Variants in NMNAT2 observed in about 807,000 individuals in gnomAD.
The protein encoded by NMNAT2 is nicotinamide nucleotide adenylyltransferase 2, also known as nicotinamide/nicotinic acid mononucleotide adenylyltransferase 2.
NMNAT2 carries 11 observed loss-of-function variants against 41.6 expected under a neutral mutation model. The observed-to-expected ratio is 0.26, with a 90% CI of 0.17 to 0.44. NMNAT2 has a LOEUF of 0.44. Among genes scored for constraint, NMNAT2 ranks in the 20% least tolerant of loss-of-function variants. NMNAT2 has a pLI of 1.00. For missense variants in NMNAT2, 288 were observed against 407.7 expected (o/e 0.71, Z 2.53); for synonymous variants, 148 against 151.2 (o/e 0.98, Z 0.16).
intron 8 of NMNAT2, among the ~76,000 whole-genome samples, chr1:183,263,869 C>T (rs1438810298): frequency 1.3e-5 from 2 of 152,044 alleles, no homozygotes; most frequent in African/African-American, 4.8e-5. Context: ...ACTCAGGCAG[C>T]AGTATTTCTT....
intron 1 of NMNAT2, among the ~76,000 whole-genome samples, chr1:183,388,980 C>G (rs754627116): frequency 6.6e-6 from 1 of 152,184 alleles, no homozygotes; most frequent in African/African-American, 2.4e-5. Context: ...AGCAAACACA[C>G]GTCATGGAGC....
At chr1:183,262,419 A>G (rs1481978478) in intron 8 of NMNAT2, among the ~76,000 whole-genome samples, 3 of 152,164 alleles carry the variant, frequency 2.0e-5, no homozygotes, top group African/African-American at 7.2e-5. Context: ...TATATCCACA[A>G]TTGGATTAAA....
intron 1 of NMNAT2, among the ~76,000 whole-genome samples, chr1:183,413,395 C>T (rs1348030320): frequency 1.3e-5 from 2 of 151,886 alleles, no homozygotes; most frequent in African/African-American, 4.8e-5. Context: ...GTCACATTCT[C>T]CTGGATGCTG....
intron 1 of NMNAT2, among the ~76,000 whole-genome samples, chr1:183,330,069 G>C (rs918645978): frequency 3.3e-5 from 5 of 152,208 alleles, no homozygotes; most frequent in African/African-American, 1.2e-4. Flanking sequence ...CTGAGCATAT[G>C]GATCTGGAGC....
rs1159420388 is a variant in NMNAT2 at position 183,340,415 on chromosome 1, TGG to T, written c.86-46624_86-46623del. ...TTGGCTCACTGCAATCTACACCTCC[TGG>T]GTTCAAGCAATTCTCCTGCCTCAGC... On this transcript the variant is annotated intron_variant, in intron 1 of 10. Transcript: ENST00000287713. Among the ~76,000 whole-genome samples, 3 of 150,696 alleles carry T rather than the reference TGG, an allele frequency of 2.0e-5. No homozygotes were observed. The Admixed American group carries it at 2.0e-4, about 10-fold the overall frequency.
chr1:183,271,813 C>T (rs1332237461), intron 8 of NMNAT2, among the ~76,000 whole-genome samples: 1 of 151,778 alleles, frequency 6.6e-6, no homozygotes, highest in Admixed American at 6.6e-5. Flanking sequence ...AGTGCAGTGG[C>T]GCTCTCTCGG....
intron 8 of NMNAT2, among the ~76,000 whole-genome samples, chr1:183,273,151 CA>C (rs1478796508): frequency 6.6e-6 from 1 of 152,234 alleles, no homozygotes; most frequent in African/African-American, 2.4e-5. Flanking sequence ...ACTTCACTTC[CA>C]TTTTCTGTAC....
intron 1 of NMNAT2, among the ~76,000 whole-genome samples, chr1:183,416,948 G>A (rs1649270917): frequency 6.6e-6 from 1 of 152,108 alleles, no homozygotes; most frequent in Non-Finnish European, 1.5e-5. Flanking sequence ...GCCGCCTCTG[G>A]AGAGCGCCTT....
chr1:183,378,731 G>T (rs1663730806), intron 1 of NMNAT2, among the ~76,000 whole-genome samples: 1 of 152,048 alleles, frequency 6.6e-6, no homozygotes, highest in Non-Finnish European at 1.5e-5. Flanking sequence ...AATGTGAATG[G>T]TCTAAACACA....
intron 1 of NMNAT2, among the ~76,000 whole-genome samples, chr1:183,404,185 GCCTC>G (rs1313091543): frequency 6.8e-6 from 1 of 147,546 alleles, no homozygotes; most frequent in Non-Finnish European, 1.5e-5. Context: ...TGCAACCTCT[GCCTC>G]CCAGGTTCAA....
chr1:183,374,721 G>A (rs1663634244), intron 1 of NMNAT2, among the ~76,000 whole-genome samples: 1 of 152,128 alleles, frequency 6.6e-6, no homozygotes, highest in Admixed American at 6.5e-5. Context: ...GGAGTGCTAA[G>A]AGAGGAACAT....
chr1:183,335,325 C>T lies in NMNAT2; in HGVS notation c.86-41532G>A, dbSNP rs113963826. On this transcript the variant is annotated intron_variant, in intron 1 of 10. Coordinates refer to ENST00000287713, the MANE Select transcript of NMNAT2 (RefSeq NM_015039.4). ...TCTACTCTATACCTCTGCACAAATC[C>T]GGCCCTATGTCTTGAAAAATCTATA... Among the ~76,000 whole-genome samples, 198 of 152,262 alleles carry T rather than the reference C, an allele frequency of 1.3e-3. 2 individuals carry two copies. Among genetic ancestry groups the T allele is most frequent in the African/African-American group, 4.2e-3 (175 of 41,556 alleles).
At chr1:183,254,213 A>C (rs1374305958) in intron 10 of NMNAT2, among the ~76,000 whole-genome samples, 1 of 152,164 alleles carries the variant, frequency 6.6e-6, no homozygotes, top group Non-Finnish European at 1.5e-5. Flanking sequence ...AACAGTGTAC[A>C]AGGGTTCCCT....
intron 1 of NMNAT2, among the ~76,000 whole-genome samples, chr1:183,375,854 C>T: frequency 6.6e-6 from 1 of 152,166 alleles, no homozygotes; most frequent in East Asian, 1.9e-4. Flanking sequence ...ACTGTGTGTT[C>T]ATAATTAGGT....
At chr1:183,280,714 ATT>A (rs930530383) in intron 7 of NMNAT2, among the ~76,000 whole-genome samples, 1 of 140,826 alleles carries the variant, frequency 7.1e-6, no homozygotes, top group Non-Finnish European at 1.5e-5. Flanking sequence ...ACATTATGAG[ATT>A]TTTTTTTGGC....
intron 7 of NMNAT2, among the ~76,000 whole-genome samples, chr1:183,281,488 G>T (rs1041869963): frequency 1.3e-5 from 2 of 152,136 alleles, no homozygotes; most frequent in African/African-American, 4.8e-5. Context: ...CCCAAGCCAG[G>T]GACACACTAT....
intron 1 of NMNAT2, among the ~76,000 whole-genome samples, chr1:183,341,724 C>CGAAAAAAAAAA (rs1557883660): frequency 1.9e-4 from 3 of 15,822 alleles, no homozygotes; most frequent in Non-Finnish European, 2.7e-4. Flanking sequence ...CAAACAAACA[C>CGAAAAAAAAAA]CAAAAAAAAA....
chr1:183,410,206 C>T (rs2101931504), intron 1 of NMNAT2, among the ~76,000 whole-genome samples: 1 of 151,558 alleles, frequency 6.6e-6, no homozygotes, highest in South Asian at 2.1e-4. Flanking sequence ...GCCTGTAGTC[C>T]CAGCTACTCT....
intron 1 of NMNAT2, among the ~76,000 whole-genome samples, chr1:183,300,230 C>T (rs1406972509): frequency 2.0e-5 from 3 of 151,980 alleles, no homozygotes; most frequent in Non-Finnish European, 2.9e-5. Context: ...GGTGAAACCC[C>T]GTCTGTACTA....
Sources: allele counts gnomAD v4.1 joint callset (sites outside exome capture counted in the v4.1 genomes callset), GRCh38; gene constraint gnomAD v4.1.1; transcripts MANE v1.5; gene names NCBI Gene and HGNC (gene_info 2026-07-23, HGNC 2026-07-21).